The following COMMD1 variants were observed in gnomAD, a reference collection of about 807,000 sequenced individuals.
COMMD1 encodes copper metabolism domain containing 1, also known as COMM domain-containing protein 1.
Under a neutral mutation model 17.2 loss-of-function variants are expected in COMMD1, and 10 were observed. The ratio of observed to expected loss-of-function variants is 0.58; its 90% confidence interval spans 0.36 to 0.99. The LOEUF (loss-of-function observed/expected upper bound fraction) is 0.99, where lower values mean the gene tolerates loss of function less well. Ranked by LOEUF, COMMD1 falls within the 50% of genes least tolerant of loss-of-function variation. The pLI, the probability that COMMD1 is intolerant of heterozygous loss-of-function variation, is 0.01. For synonymous variants in COMMD1, 97 were observed against 91.6 expected, an observed-to-expected ratio of 1.06 and a Z score of -0.34; for missense variants, 270 against 231.8, an observed-to-expected ratio of 1.17 and a Z score of -1.07.
chr2:61,990,844 G>A (rs2103778219), intron 1 of COMMD1, among the ~76,000 whole-genome samples: 1 of 147,602 alleles, frequency 6.8e-6, no homozygotes, highest in South Asian at 2.1e-4. Context: ...TTTAGGTGGG[G>A]ACACAAAGCC....
chr2:62,098,867 G>T (rs1468426479), intron 2 of COMMD1, among the ~76,000 whole-genome samples: 1 of 152,206 alleles, frequency 6.6e-6, no homozygotes, highest in Non-Finnish European at 1.5e-5. Flanking sequence ...TCAATCAGCT[G>T]ACACATGTCA....
chr2:62,129,992 G>A (rs1202447229), intron 2 of COMMD1, among the ~76,000 whole-genome samples: 1 of 151,996 alleles, frequency 6.6e-6, no homozygotes, highest in Non-Finnish European at 1.5e-5. Flanking sequence ...TGGCTAACAC[G>A]GTGAAACCCC....
chr2:62,046,681 C>T (rs887209627), intron 2 of COMMD1, among the ~76,000 whole-genome samples: 2 of 152,188 alleles, frequency 1.3e-5, no homozygotes, highest in African/African-American at 4.8e-5. Flanking sequence ...TGAATTTTGA[C>T]AAGATGATTC....
At chr2:62,121,196 C>A (rs1249721588) in intron 2 of COMMD1, among the ~76,000 whole-genome samples, 2 of 151,276 alleles carry the variant, frequency 1.3e-5, no homozygotes, top group African/African-American at 4.9e-5. Context: ...ATGGTGAAAC[C>A]CCATCTCTAC....
intron 2 of COMMD1, among the ~76,000 whole-genome samples, chr2:62,018,140 A>G (rs1444318748): frequency 6.6e-6 from 1 of 151,952 alleles, no homozygotes; most frequent in African/African-American, 2.4e-5. Flanking sequence ...TTCCCAACAC[A>G]TGTATATTGA....
intron 1 of COMMD1, among the ~76,000 whole-genome samples, chr2:61,928,908 G>T (rs1280234507): frequency 6.6e-6 from 1 of 152,158 alleles, no homozygotes. Flanking sequence ...TACATGTTGT[G>T]TTTACTCAGG....
intron 2 of COMMD1, among the ~76,000 whole-genome samples, chr2:62,062,352 G>A (rs756011057): frequency 4.0e-5 from 6 of 151,690 alleles, no homozygotes; most frequent in Non-Finnish European, 5.9e-5. Context: ...TCAGCCTCCC[G>A]AGTAGCTGGG....
chr2:62,110,148 C>T (rs886389561), intron 2 of COMMD1, among the ~76,000 whole-genome samples: 27 of 152,124 alleles, frequency 1.8e-4, no homozygotes, highest in African/African-American at 6.3e-4. Context: ...AATCACAGCT[C>T]ACTGCAGCCT....
chr2:62,002,983 A>T (rs1409018216), intron 2 of COMMD1, among the ~76,000 whole-genome samples: 3 of 152,236 alleles, frequency 2.0e-5, no homozygotes, highest in African/African-American at 7.2e-5. Flanking sequence ...CTGTAATCCC[A>T]GCACTTTGGG....
chr2:61,951,746 T>C (rs1340402611), intron 1 of COMMD1, among the ~76,000 whole-genome samples: 1 of 152,192 alleles, frequency 6.6e-6, no homozygotes, highest in East Asian at 1.9e-4. Context: ...AACATATCTA[T>C]CACTCCCAAA....
intron 2 of COMMD1, among the ~76,000 whole-genome samples, chr2:62,113,770 A>C (rs1672518577): frequency 6.6e-6 from 1 of 152,236 alleles, no homozygotes; most frequent in Non-Finnish European, 1.5e-5. Context: ...TTTAGCCTGC[A>C]GTTGTTTAAT....
At chr2:61,947,333 CTTTTTT>C (rs1320485362) in intron 1 of COMMD1, among the ~76,000 whole-genome samples, 5 of 151,366 alleles carry the variant, frequency 3.3e-5, no homozygotes, top group Admixed American at 2.6e-4. Flanking sequence ...TTGGAAATGA[CTTTTTT>C]TTTATTTTTT....
At chr2:61,987,184 C>T (rs185819140) in intron 1 of COMMD1, among the ~76,000 whole-genome samples, 26 of 152,190 alleles carry the variant, frequency 1.7e-4, no homozygotes, top group Admixed American at 8.5e-4. Context: ...GATTGTTCCC[C>T]GGAGCTTTAT....
chr2:62,024,248 C>T (rs531074453), intron 2 of COMMD1, among the ~76,000 whole-genome samples: 2 of 151,934 alleles, frequency 1.3e-5, no homozygotes, highest in South Asian at 4.2e-4. Context: ...ACAGGGTCTC[C>T]CTCTGTAACT....
At chr2:62,029,360 C>CT (rs907772237) in intron 2 of COMMD1, among the ~76,000 whole-genome samples, 4 of 151,706 alleles carry the variant, frequency 2.6e-5, no homozygotes, top group East Asian at 1.9e-4. Context: ...TATATGGAGT[C>CT]TTTTTTTACC....
At position 62,090,694 on chromosome 2, in the gene COMMD1, C is replaced by A. The variant is rs770187868; in HGVS notation, c.463-45137C>A. 4.6e-5 allele frequency: 7 copies of A among 152,144 alleles called. No homozygotes were observed. In the East Asian group the frequency reaches 1.3e-3, roughly 29 times the overall value. 9.4% of individuals were successfully genotyped at this position (152,144 alleles called of 1,614,324 possible). ...CCTCCCAACAGAAGCGGCCCTTCCC[C>A]GTATACCAGATGTTATGTCCCGTTG... is the stretch of plus-strand genomic sequence containing the variant. On this transcript the variant is annotated intron_variant, in intron 2 of 2. Transcript: ENST00000311832.
rs183895468 is a variant in COMMD1 at position 62,105,622 on chromosome 2, G to A, written c.463-30209G>A. Among the ~76,000 whole-genome samples the A allele has an allele frequency of 5.9e-5, 9 of 152,160 alleles. No homozygotes were observed. The South Asian group carries it at 6.2e-4, about 10-fold the overall frequency. On this transcript the variant is annotated intron_variant, in intron 2 of 2. Coordinates refer to ENST00000311832, the MANE Select transcript of COMMD1 (RefSeq NM_152516.4). ...GTGGATCACCTGAGGTCAGAAGTTC[G>A]AGACAAGCCTGACCAACATGGCAAA...
At chr2:62,025,237 A>AT (rs747426840) in intron 2 of COMMD1, among the ~76,000 whole-genome samples, 3 of 151,646 alleles carry the variant, frequency 2.0e-5, no homozygotes, top group Non-Finnish European at 4.4e-5. Context: ...AAACAAACAA[A>AT]TAAAAAAAAA....
At chr2:62,098,750 C>T (rs562373034) in intron 2 of COMMD1, among the ~76,000 whole-genome samples, 1 of 152,316 alleles carries the variant, frequency 6.6e-6, no homozygotes, top group East Asian at 1.9e-4. Context: ...TTGCAGAGCT[C>T]TCCATTTCTG....
Sources: allele counts gnomAD v4.1 joint callset (sites outside exome capture counted in the v4.1 genomes callset), GRCh38; gene constraint gnomAD v4.1.1; transcripts MANE v1.5; gene names NCBI Gene and HGNC (gene_info 2026-07-23, HGNC 2026-07-21).